PCDH9: variants seen among roughly 807,000 people sequenced by gnomAD.
PCDH9 encodes the protein protocadherin-9.
PCDH9 carries 24 observed loss-of-function variants against 70.6 expected under a neutral mutation model. The observed-to-expected ratio is 0.34, with a 90% CI of 0.25 to 0.48. PCDH9 has a LOEUF of 0.48. Among genes scored for constraint, PCDH9 ranks in the 20% least tolerant of loss-of-function variants. The pLI, the probability that PCDH9 is intolerant of heterozygous loss-of-function variation, is 0.99. For missense variants in PCDH9, 1,281 were observed against 1,503.6 expected, an observed-to-expected ratio of 0.85 and a Z score of 2.45; for synonymous variants, 562 against 558.5, an observed-to-expected ratio of 1.01 and a Z score of -0.09.
chr13:66,424,918 T>A (rs1957642270), intron 4 of PCDH9, among the ~76,000 whole-genome samples: 1 of 151,844 alleles, frequency 6.6e-6, no homozygotes, highest in African/African-American at 2.4e-5. Flanking sequence ...AAGAAATAGT[T>A]AACTGGGAGC....
chr13:66,377,298 A>C (rs1047872528), intron 4 of PCDH9, among the ~76,000 whole-genome samples: 2 of 152,062 alleles, frequency 1.3e-5, no homozygotes, highest in Non-Finnish European at 2.9e-5. Flanking sequence ...GCTTGTTAAA[A>C]CCCAGACTGC....
intron 2 of PCDH9, among the ~76,000 whole-genome samples, chr13:67,180,406 C>T (rs901729864): frequency 6.6e-6 from 1 of 152,014 alleles, no homozygotes; most frequent in Non-Finnish European, 1.5e-5. Flanking sequence ...TCCAAATCTG[C>T]CAGTGAAGCT....
At chr13:67,222,376 CA>C (rs2089749996) in intron 2 of PCDH9, 1 of 150,360 alleles carries the variant, frequency 6.7e-6, no homozygotes, top group African/African-American at 2.4e-5. Flanking sequence ...TTTAGTGACA[CA>C]TGAAAGCTTT....
intron 2 of PCDH9, among the ~76,000 whole-genome samples, chr13:67,140,704 T>A (rs1394764555): frequency 6.6e-6 from 1 of 152,220 alleles, no homozygotes; most frequent in Non-Finnish European, 1.5e-5. Flanking sequence ...TCTACTGATC[T>A]CTTTATTTGT....
chr13:66,791,516 A>T (rs961078479), intron 3 of PCDH9, among the ~76,000 whole-genome samples: 1 of 152,126 alleles, frequency 6.6e-6, no homozygotes, highest in Non-Finnish European at 1.5e-5. Flanking sequence ...TTTTGCCATT[A>T]CTTTCAAATA....
chr13:66,325,490 C>G (rs1325424410), intron 4 of PCDH9, among the ~76,000 whole-genome samples: 1 of 152,006 alleles, frequency 6.6e-6, no homozygotes, highest in Non-Finnish European at 1.5e-5. Flanking sequence ...TAGAGTTAAA[C>G]TATGTCAGCC....
In PCDH9 at chr13:67,160,442, G is replaced by T. The variant is rs527820312; in HGVS notation, c.3036+64963C>A. 1.4e-3 allele frequency among the ~76,000 whole-genome samples: 209 copies of T among 152,200 alleles called. 3 individuals are homozygous for T. The highest frequency in any genetic ancestry group is 4.9e-3 in the African/African-American group (204 of 41,542). On this transcript the variant is annotated intron_variant, in intron 2 of 4. Transcript: ENST00000377865. ...GGCGCCTGTAGTCCCAGCTATTCGG[G>T]AGACTGAGGCAGGAGAGTTGCTTGA... is the stretch of plus-strand genomic sequence containing the variant.
chr13:66,532,093 C>G (rs1196106667), intron 4 of PCDH9, among the ~76,000 whole-genome samples: 5 of 152,026 alleles, frequency 3.3e-5, no homozygotes, highest in Non-Finnish European at 7.4e-5. Flanking sequence ...CTCAAGTGAT[C>G]CTCCCACCTT....
intron 4 of PCDH9, among the ~76,000 whole-genome samples, chr13:66,484,482 T>C (rs1958904507): frequency 6.6e-6 from 1 of 152,192 alleles, no homozygotes. Flanking sequence ...TTACCTGGTG[T>C]TCCTTTCATA....
At chr13:67,003,769 T>C (rs983988770) in intron 2 of PCDH9, among the ~76,000 whole-genome samples, 1 of 152,228 alleles carries the variant, frequency 6.6e-6, no homozygotes, top group East Asian at 1.9e-4. Flanking sequence ...TCATTATAAC[T>C]ACAAAATTAA....
chr13:67,163,128 C>T (rs540948281), intron 2 of PCDH9, among the ~76,000 whole-genome samples: 38 of 152,162 alleles, frequency 2.5e-4, no homozygotes, highest in African/African-American at 7.2e-4. Context: ...GTAGAAACTC[C>T]GTGTGCATGA....
At chr13:66,664,231 T>C (rs2078061137) in intron 3 of PCDH9, among the ~76,000 whole-genome samples, 1 of 152,356 alleles carries the variant, frequency 6.6e-6, no homozygotes, top group East Asian at 1.9e-4. Context: ...AATTATGCTA[T>C]TTACAGTCTA....
intron 2 of PCDH9, among the ~76,000 whole-genome samples, chr13:67,130,827 G>A (rs1329529579): frequency 6.6e-6 from 1 of 152,028 alleles, no homozygotes; most frequent in Non-Finnish European, 1.5e-5. Flanking sequence ...GTGGGCCCTG[G>A]CATTAGGCTG....
At chr13:67,004,871 A>G (rs533544433) in intron 2 of PCDH9, among the ~76,000 whole-genome samples, 204 of 152,270 alleles carry the variant, frequency 1.3e-3, no homozygotes, top group African/African-American at 4.4e-3. Flanking sequence ...AATAATAAAT[A>G]AATGCTTTAG....
intron 2 of PCDH9, among the ~76,000 whole-genome samples, chr13:66,982,207 C>G (rs911268783): frequency 6.6e-6 from 1 of 152,212 alleles, no homozygotes; most frequent in African/African-American, 2.4e-5. Flanking sequence ...TATCTGAGGT[C>G]TCCCTAGAAA....
At chr13:66,832,004 A>G (rs1023735083) in intron 3 of PCDH9, among the ~76,000 whole-genome samples, 2 of 152,188 alleles carry the variant, frequency 1.3e-5, no homozygotes, top group African/African-American at 2.4e-5. Flanking sequence ...CTTTTCCTAC[A>G]GCTGTGTGCC....
chr13:66,555,058 A>T (rs997774181), intron 4 of PCDH9, among the ~76,000 whole-genome samples: 1 of 152,128 alleles, frequency 6.6e-6, no homozygotes, highest in Admixed American at 6.5e-5. Context: ...AATCCCAGCT[A>T]CTTGGGAGGC....
chr13:66,458,571 G>A (rs1000759806), intron 4 of PCDH9, among the ~76,000 whole-genome samples: 6 of 151,910 alleles, frequency 3.9e-5, no homozygotes, highest in Non-Finnish European at 8.8e-5. Flanking sequence ...CAAAGGTAGC[G>A]AGTGTTTAAG....
chr13:66,571,425 C>G (rs2076731131), intron 4 of PCDH9, among the ~76,000 whole-genome samples: 1 of 151,664 alleles, frequency 6.6e-6, no homozygotes, highest in Admixed American at 6.6e-5. Context: ...TTATAATGGC[C>G]ATAGATTGAA....
Sources: gnomAD v4.1 joint callset for allele counts (sites outside exome capture counted in the v4.1 genomes callset) on GRCh38, gnomAD v4.1.1 for gene constraint, MANE v1.5 for transcripts, NCBI Gene and HGNC (gene_info 2026-07-23, HGNC 2026-07-21) for gene names.